The following DOCK8 variants were observed in gnomAD, a reference collection of about 807,000 sequenced individuals.
DOCK8 encodes dedicator of cytokinesis protein 8.
In DOCK8, 141 loss-of-function variants were observed where a neutral mutation model predicts 245.6. The observed-to-expected ratio is 0.57, with a 90% CI of 0.50 to 0.66. The LOEUF is 0.66. Ranked by LOEUF, DOCK8 falls within the 30% of genes least tolerant of loss-of-function variation. DOCK8 has a pLI of 0.00. For synonymous variants in DOCK8, 1,168 were observed against 970.2 expected, an observed-to-expected ratio of 1.20 and a Z score of -3.79; for missense variants, 2,965 against 2,603.4, an observed-to-expected ratio of 1.14 and a Z score of -3.02.
Position 400,031 on chromosome 9 carries a change from TCACCAC to T in DOCK8, c.3234+780_3234+785del, listed in dbSNP as rs1254405677. On this transcript the variant is annotated intron_variant, in intron 26 of 47. Transcript: ENST00000432829. ...TCCACCATCACCACCACCTCCACCATCACCACCACCACCTCCACCATCACCACCTCC... is the reference window on the plus strand; with the variant it reads ...TCCACCATCACCACCACCTCCACCATCACCACCTCCACCATCACCACCTCC... Among the ~76,000 whole-genome samples, 10 of 58,544 alleles carry T rather than the reference TCACCAC, an allele frequency of 1.7e-4. 1 individual carries two copies. Among genetic ancestry groups the T allele is most frequent in the African/African-American group, 9.3e-4 (10 of 10,726 alleles). 38.4% of individuals were successfully genotyped at this position (58,544 alleles called of 152,430 possible). A position where few individuals can be genotyped will look rare whatever the true frequency, so the allele number is the denominator to read the frequency against.
intron 10 of DOCK8, among the ~76,000 whole-genome samples, chr9:333,377 A>AGATG (rs1406263980): frequency 6.6e-6 from 1 of 152,184 alleles, no homozygotes; most frequent in Non-Finnish European, 1.5e-5. Context: ...CAAGGCGGGC[A>AGATG]GATCATGAGG....
At chr9:251,107 A>G (rs1416290670) in intron 1 of DOCK8, among the ~76,000 whole-genome samples, 1 of 152,210 alleles carries the variant, frequency 6.6e-6, no homozygotes, top group African/African-American at 2.4e-5. Flanking sequence ...GATCTCGAAT[A>G]AAAACATGAA....
chr9:438,129 A>G (rs1403001069), intron 39 of DOCK8, among the ~76,000 whole-genome samples: 1 of 152,252 alleles, frequency 6.6e-6, no homozygotes, highest in Non-Finnish European at 1.5e-5. Flanking sequence ...ATTGCATGTG[A>G]AGAGATAGGG....
intron 25 of DOCK8, among the ~76,000 whole-genome samples, chr9:397,537 A>G (rs2054520809): frequency 6.6e-6 from 1 of 151,598 alleles, no homozygotes; most frequent in African/African-American, 2.4e-5. Flanking sequence ...AAAAATATGG[A>G]AAATTAGCCG....
chr9:277,457 G>GAAGAGA (rs1554651517), intron 2 of DOCK8, among the ~76,000 whole-genome samples: 55 of 129,572 alleles, frequency 4.2e-4, no homozygotes, highest in Non-Finnish European at 7.1e-4. Flanking sequence ...AGAAGAGAAA[G>GAAGAGA]AGAGAAGAGA....
At position 414,760 on chromosome 9, in the gene DOCK8, G is replaced by C. The variant is rs1256295693; in HGVS notation, c.3531-22G>C. Reference sequence around the variant, plus strand: ...CAATTTCCTTTCACCATAACCTCTTGATTCCTGTGTTGTGCCAACAGAATC... The same window carrying C: ...CAATTTCCTTTCACCATAACCTCTTCATTCCTGTGTTGTGCCAACAGAATC... On this transcript the variant is annotated intron_variant, in intron 28 of 47. Transcript: ENST00000432829. 6 of 1,613,964 alleles carry C rather than the reference G, an allele frequency of 3.7e-6. No individual in the cohort carries two copies. The East Asian group carries it at 8.9e-5, about 24-fold the overall frequency.
chr9:403,957 T>TAC (rs2055277854), intron 26 of DOCK8, among the ~76,000 whole-genome samples: 12 of 91,266 alleles, frequency 1.3e-4, no homozygotes, highest in African/African-American at 6.9e-4. Flanking sequence ...TATATATATA[T>TAC]ATGTATATAT....
At chr9:427,110 T>A (rs1233913593) in intron 34 of DOCK8, 129 bp downstream of exon 34, 1 of 803,062 alleles carries the variant, frequency 1.2e-6, no homozygotes, top group African/African-American at 1.7e-5. Flanking sequence ...AAAATGAAGT[T>A]GAGAAGTTTA....
At chr9:326,666 C>T (rs1483072204) in intron 8 of DOCK8, among the ~76,000 whole-genome samples, 1 of 152,226 alleles carries the variant, frequency 6.6e-6, no homozygotes, top group African/African-American at 2.4e-5. Flanking sequence ...GGAGGGACCC[C>T]TCTGTTCCAC....
intron 45 of DOCK8, among the ~76,000 whole-genome samples, chr9:451,323 A>G (rs866163135): frequency 4.0e-5 from 6 of 151,278 alleles, no homozygotes; most frequent in Admixed American, 6.6e-5. Flanking sequence ...AAACAACAAT[A>G]AAAAAGAAAA....
intron 1 of DOCK8, among the ~76,000 whole-genome samples, chr9:222,235 C>A (rs1203063473): frequency 6.6e-6 from 1 of 151,964 alleles, no homozygotes; most frequent in African/African-American, 2.4e-5. Flanking sequence ...TACTCTCCAG[C>A]CTGGGCCACA....
intron 14 of DOCK8, among the ~76,000 whole-genome samples, chr9:347,604 G>C (rs1352949460): frequency 6.6e-6 from 1 of 152,214 alleles, no homozygotes; most frequent in Non-Finnish European, 1.5e-5. Context: ...TGGAACAGAA[G>C]CTTTTATAAA....
intron 1 of DOCK8, among the ~76,000 whole-genome samples, chr9:226,924 C>T (rs1325686483): frequency 6.6e-6 from 1 of 151,826 alleles, no homozygotes; most frequent in African/African-American, 2.4e-5. Context: ...TTTTAATAGC[C>T]AGAAAGCTAT....
At chr9:214,371 A>G (rs954751017), upstream of DOCK8, 43 of 747,146 alleles carry the variant, frequency 5.8e-5, no homozygotes, top group Non-Finnish European at 8.2e-5. Flanking sequence ...CATTATATTT[A>G]TTTAGTGTCT....
chr9:236,876 A>G (rs772241187), intron 1 of DOCK8, among the ~76,000 whole-genome samples: 2 of 152,216 alleles, frequency 1.3e-5, no homozygotes, highest in African/African-American at 2.4e-5. Context: ...AGAGAGAATG[A>G]AAGATTGTGC....
chr9:408,886 A>AGTG (rs1564027702), intron 28 of DOCK8, among the ~76,000 whole-genome samples: 4,015 of 121,014 alleles, frequency 0.033, 178 homozygotes, highest in African/African-American at 0.1. Context: ...ACACACACAC[A>AGTG]CGCACACACG....
Position 229,625 on chromosome 9 carries a change from C to G in DOCK8, c.53+14596C>G, listed in dbSNP as rs12340060. On this transcript the variant is annotated intron_variant, in intron 1 of 47. Transcript: ENST00000432829. ...AAAGAGTTACCAAGCTCTTTATTCT[C>G]AAGAGTTACCAAATAAGCTTAGAAA... Among the ~76,000 whole-genome samples the G allele has an allele frequency of 5.7e-3, 873 of 152,208 alleles. 5 individuals are homozygous for G. Among genetic ancestry groups the G allele is most frequent in the African/African-American group, 0.02 (811 of 41,532 alleles).
intron 3 of DOCK8, 55 bp from the exon 4 acceptor site, chr9:289,455 T>G: frequency 5.8e-6 from 8 of 1,374,306 alleles, no homozygotes; most frequent in East Asian, 4.6e-5. Flanking sequence ...GATTAGGGGT[T>G]GTTTTGTTGT....
chr9:393,085 CAAAAAAAA>C (rs1159933739), intron 24 of DOCK8, among the ~76,000 whole-genome samples: 8 of 44,748 alleles, frequency 1.8e-4, no homozygotes, highest in South Asian at 2.5e-3. Flanking sequence ...GACCCTGTCT[CAAAAAAAA>C]AAAAAAAAAA....
Sources: allele counts gnomAD v4.1 joint callset (sites outside exome capture counted in the v4.1 genomes callset), GRCh38; gene constraint gnomAD v4.1.1; transcripts MANE v1.5; gene names NCBI Gene and HGNC (gene_info 2026-07-23, HGNC 2026-07-21).